Variants in NRDC observed in about 807,000 individuals in gnomAD.
NRDC encodes nardilysin.
NRDC carries 54 observed loss-of-function variants against 147.1 expected under a neutral mutation model. The ratio of observed to expected loss-of-function variants is 0.37; its 90% CI spans 0.29 to 0.46. The LOEUF (loss-of-function observed/expected upper bound fraction) is 0.46, where lower values mean the gene tolerates loss of function less well. Among genes scored for constraint, NRDC ranks in the 20% least tolerant of loss-of-function variants. NRDC has a pLI of 1.00. For missense variants in NRDC, 1,082 were observed against 1,370.6 expected, an observed-to-expected ratio of 0.79 and a Z score of 3.33; for synonymous variants, 440 against 482.1, an observed-to-expected ratio of 0.91 and a Z score of 1.14.
chr1:51,803,511 A>G (rs572733788), intron 20 of NRDC, among the ~76,000 whole-genome samples: 33 of 152,168 alleles, frequency 2.2e-4, no homozygotes, highest in African/African-American at 7.5e-4. Flanking sequence ...CTGTATGGTA[A>G]AAAATTTAGC....
chr1:51,840,303 C>A lies in NRDC; in HGVS notation c.553G>T (p.Asp185Tyr), dbSNP rs758222716. 10 of 1,581,442 alleles carry A rather than the reference C, an allele frequency of 6.3e-6. No individual in the cohort carries two copies. The highest frequency in any genetic ancestry group is 8.7e-6 in the Non-Finnish European group (10 of 1,151,256). The change falls in exon 2 of 31, where the codon GAT becomes TAT. Residue 185 changes from aspartate to tyrosine, a missense_variant. Asp to Tyr is a radical substitution (Grantham distance 160). Around this residue, in one of 3 missense-constraint regions of NRDC, gnomAD observed 260 missense variants for 253.2 expected, o/e 1.03. Transcript: ENST00000352171. ...AATTCATTATCCTCAGTATCAAGAT[C>A]ATCATCATGTTCATCATCAAACTCA... ...EDEFDDEHDD[D>Y]LDTEDNELEE...
chr1:51,790,680 T>C, intron 28 of NRDC, 31 bp from the exon 29 acceptor site: 1 of 1,454,994 alleles, frequency 6.9e-7, no homozygotes, highest in Non-Finnish European at 9.7e-7. Flanking sequence ...GATGCTCAGG[T>C]GAGGCAACAT....
chr1:51,851,066 G>T (rs988673987), intron 1 of NRDC, among the ~76,000 whole-genome samples: 1 of 152,144 alleles, frequency 6.6e-6, no homozygotes, highest in African/African-American at 2.4e-5. Context: ...TCCAGCAGCT[G>T]CCTGAATTAT....
rs910924549 is a variant in NRDC, at chr1:51,809,190, A to G, written c.1990+125T>C. On this transcript the variant is annotated intron_variant, in intron 17 of 30. Coordinates refer to ENST00000352171, the MANE Select transcript of NRDC (RefSeq NM_001101662.2). ...GGAAAAGTAAGAAAATACTAATGCC[A>G]ACCTCAGAATGTTACTGGGAATCTC... is the stretch of plus-strand genomic sequence containing the variant. 3 of 737,590 alleles carry G rather than the reference A, an allele frequency of 4.1e-6. No homozygotes were observed. In the African/African-American group the frequency reaches 5.3e-5, roughly 13 times the overall value. 45.7% of individuals were successfully genotyped at this position (737,590 alleles called of 1,614,324 possible).
chr1:51,794,891 T>C (rs765357595), intron 22 of NRDC, 37 bp from the exon 23 acceptor site: 4 of 1,611,274 alleles, frequency 2.5e-6, no homozygotes, highest in Admixed American at 3.4e-5. Context: ...TTAAGCTCTC[T>C]AGACATTCAT....
At position 51,818,096 on chromosome 1, in the gene NRDC, C is replaced by T; in HGVS notation, c.1331G>A (p.Trp444Ter). Residue 444 changes from tryptophan (W) to a stop codon, truncating the protein, a stop_gained, in exon 10 of 31, where the codon TGG becomes TAG. Transcript: ENST00000352171. LOFTEE classifies it high-confidence loss of function. ...ATGTTGCTGTTGAGGAGGAAGTGCC[C>T]ATGTGATGGTCAGAGCATGAATTTT... ...IRKIHALTIT[W>*]ALPPQQQHYR... is the part of the protein sequence containing the mutation. The T allele has an allele frequency of 6.2e-7, 1 of 1,605,718 alleles. No individual in the cohort carries two copies. The highest frequency in any genetic ancestry group is 1.1e-5 in the South Asian group (1 of 89,472).
Position 51,798,257 on chromosome 1 carries a change from T to C in NRDC, c.2596A>G (p.Thr866Ala). 1 of 1,614,188 alleles carries C rather than the reference T, an allele frequency of 6.2e-7. No individual in the cohort carries two copies. Among genetic ancestry groups the C allele is most frequent in the Non-Finnish European group, 8.5e-7 (1 of 1,180,012 alleles). The change falls in exon 22 of 31, where the codon ACA becomes GCA. Residue 866 changes from threonine to alanine, a missense_variant. This residue lies in a region of NRDC where 635 missense variants were observed against 923.8 expected (regional missense o/e 0.69). Transcript: ENST00000352171. ...FVEGLVQGNV[T>A]STESMDFLKY... ...GAGCATCTCACACTCACTGTGCTTGTGACATTCCCTTGTACCAGGCCCTCC... is the reference window on the plus strand; with the variant it reads ...GAGCATCTCACACTCACTGTGCTTGCGACATTCCCTTGTACCAGGCCCTCC...
At position 51,869,555 on chromosome 1, in the gene NRDC, A is replaced by AG. The variant is rs1682983430; in HGVS notation, c.341+8719dup. Among the ~76,000 whole-genome samples, 4 of 152,248 alleles carry AG rather than the reference A, an allele frequency of 2.6e-5. No individual in the cohort carries two copies. The South Asian group carries it at 8.3e-4, about 32-fold the overall frequency. On this transcript the variant is annotated intron_variant, in intron 1 of 30. Transcript: ENST00000352171. ...TAGTTTTCATTCAACAATAAATCAGAGAAGATCTCTCTATTTCAACATATA... is the reference window on the plus strand; with the variant it reads ...TAGTTTTCATTCAACAATAAATCAGAGGAAGATCTCTCTATTTCAACATATA...
chr1:51,812,672 T>G (rs190599226), intron 14 of NRDC, among the ~76,000 whole-genome samples: 3 of 152,298 alleles, frequency 2.0e-5, no homozygotes, highest in African/African-American at 7.2e-5. Flanking sequence ...ATTACCACAC[T>G]GGACTATGAA....
intron 2 of NRDC, 25 bp downstream of exon 2, chr1:51,840,201 A>G: frequency 6.4e-7 from 1 of 1,552,070 alleles, no homozygotes; most frequent in African/African-American, 1.4e-5. Context: ...TTCCCAAATT[A>G]GAAGAAAACA....
chr1:51,844,806 G>A (rs1384034692), intron 1 of NRDC, among the ~76,000 whole-genome samples: 1 of 89,830 alleles, frequency 1.1e-5, no homozygotes, highest in African/African-American at 4.2e-5. Flanking sequence ...GAGGGGGGAG[G>A]GAGGGAGGAA....
chr1:51,813,814 T>C (rs1449020778), intron 14 of NRDC, among the ~76,000 whole-genome samples: 1 of 152,238 alleles, frequency 6.6e-6, no homozygotes, highest in African/African-American at 2.4e-5. Flanking sequence ...CAACATCATC[T>C]GTGTCATCTG....
intron 7 of NRDC, among the ~76,000 whole-genome samples, chr1:51,822,464 C>T (rs560243304): frequency 3.9e-5 from 6 of 152,194 alleles, no homozygotes; most frequent in Admixed American, 2.0e-4. Context: ...TCACCTGAGC[C>T]CAGGCATTTG....
intron 2 of NRDC, among the ~76,000 whole-genome samples, chr1:51,837,049 T>C (rs1681018446): frequency 6.6e-6 from 1 of 151,822 alleles, no homozygotes; most frequent in Non-Finnish European, 1.5e-5. Flanking sequence ...CTCAAAGTGC[T>C]GGGATTATAG....
At chr1:51,801,972 A>G (rs1447084999) in intron 20 of NRDC, among the ~76,000 whole-genome samples, 1 of 152,080 alleles carries the variant, frequency 6.6e-6, no homozygotes, top group Non-Finnish European at 1.5e-5. Flanking sequence ...TATCTTTAGT[A>G]GAGACGGGGT....
At chr1:51,844,580 A>G (rs1454207833) in intron 1 of NRDC, among the ~76,000 whole-genome samples, 1 of 151,682 alleles carries the variant, frequency 6.6e-6, no homozygotes, top group African/African-American at 2.4e-5. Context: ...GTCTCTACTA[A>G]AAATACAAAA....
At chr1:51,846,941 T>C (rs1681654904) in intron 1 of NRDC, among the ~76,000 whole-genome samples, 1 of 152,196 alleles carries the variant, frequency 6.6e-6, no homozygotes. Flanking sequence ...ATTAGCTAGA[T>C]ACAGAGTGCT....
chr1:51,793,054 C>G lies in NRDC; in HGVS notation c.2776-630G>C, dbSNP rs565948259. On this transcript the variant is annotated intron_variant, in intron 24 of 30. Coordinates refer to ENST00000352171, the MANE Select transcript of NRDC (RefSeq NM_001101662.2). ...CACACAGACTCATTTGCTTCCCACT[C>G]ACCAGAGGAAGAGGCTAATGCCTAT... is the stretch of plus-strand genomic sequence containing the variant. 4.0e-5 allele frequency among the ~76,000 whole-genome samples: 6 copies of G among 151,736 alleles called. No individual in the cohort carries two copies. The South Asian group carries it at 1.2e-3, about 31-fold the overall frequency.
intron 10 of NRDC, 81 bp downstream of exon 10, chr1:51,817,985 C>A: frequency 9.7e-7 from 1 of 1,036,130 alleles, no homozygotes; most frequent in South Asian, 1.5e-5. Flanking sequence ...ATTCAGAACC[C>A]CCAAACTTAA....
Sources: allele counts gnomAD v4.1 joint callset (sites outside exome capture counted in the v4.1 genomes callset), GRCh38; gene constraint gnomAD v4.1.1; regional missense constraint gnomAD v4.1.1; transcripts MANE v1.5; gene names NCBI Gene and HGNC (gene_info 2026-07-23, HGNC 2026-07-21).